Variants in FLT3 observed in about 807,000 individuals in gnomAD.
The protein encoded by FLT3 is receptor-type tyrosine-protein kinase FLT3.
A neutral mutation model predicts 126.6 loss-of-function variants in FLT3; 46 were observed. That is an observed-to-expected ratio of 0.36 (90% CI 0.29 to 0.46). FLT3 has a LOEUF of 0.46. FLT3 is among the 20% of genes least tolerant of loss of function. The probability of loss-of-function intolerance (pLI) is 1.00; values close to 1 mark genes in which losing one functional copy is unlikely to be tolerated. For synonymous variants in FLT3, 404 were observed against 434.4 expected (o/e 0.93, Z 0.87); for missense variants, 1,069 against 1,190.3 (o/e 0.90, Z 1.50).
chr13:28,056,643 GTCAGAACATCTGGACC>G (rs983528108), intron 4 of FLT3, among the ~76,000 whole-genome samples: 4 of 152,214 alleles, frequency 2.6e-5, no homozygotes, highest in African/African-American at 9.7e-5. Flanking sequence ...GCCTCCCTTG[GTCAGAACATCTGGACC>G]GTTCCTTACA....
intron 17 of FLT3, among the ~76,000 whole-genome samples, chr13:28,025,712 C>CCT (rs1253757608): frequency 2.0e-5 from 3 of 152,158 alleles, no homozygotes; most frequent in Non-Finnish European, 4.4e-5. Flanking sequence ...TAGGATAGCC[C>CCT]CTCTGTTCCA....
chr13:28,085,343 C>CAA (rs59478584), intron 1 of FLT3, among the ~76,000 whole-genome samples: 5 of 82,282 alleles, frequency 6.1e-5, no homozygotes, highest in African/African-American at 1.9e-4. Flanking sequence ...GACTCCATCT[C>CAA]AAAAAAAAAA....
intron 8 of FLT3, among the ~76,000 whole-genome samples, chr13:28,048,920 G>T (rs1875154095): frequency 1.3e-5 from 2 of 152,164 alleles, no homozygotes. Context: ...TTGAACTGTG[G>T]TTATTTTCAG....
intron 1 of FLT3, among the ~76,000 whole-genome samples, chr13:28,092,027 G>A (rs566852052): frequency 2.0e-5 from 3 of 152,124 alleles, no homozygotes; most frequent in Non-Finnish European, 2.9e-5. Flanking sequence ...CCAAGATCGC[G>A]CCATTGCACT....
At chr13:28,031,446 G>A (rs1566068962) in intron 15 of FLT3, among the ~76,000 whole-genome samples, 1 of 152,064 alleles carries the variant, frequency 6.6e-6, no homozygotes, top group Non-Finnish European at 1.5e-5. Flanking sequence ...AGAAAGGAGA[G>A]AGCACAGCAC....
intron 23 of FLT3, among the ~76,000 whole-genome samples, chr13:28,010,506 A>G (rs970520278): frequency 2.7e-4 from 41 of 152,224 alleles, no homozygotes; most frequent in Non-Finnish European, 4.8e-4. Context: ...AGATTGAAGC[A>G]TGTTTGTCCA....
chr13:28,026,103 C>A (rs1252958156), intron 17 of FLT3, among the ~76,000 whole-genome samples: 2 of 152,126 alleles, frequency 1.3e-5, no homozygotes, highest in Non-Finnish European at 2.9e-5. Context: ...ATAATTCCAG[C>A]ACTTTGCGGG....
intron 20 of FLT3, among the ~76,000 whole-genome samples, chr13:28,017,337 TTCAGCCTCCCAAG>T (rs1371410173): frequency 6.6e-6 from 1 of 150,934 alleles, no homozygotes; most frequent in Non-Finnish European, 1.5e-5. Flanking sequence ...ATCCTCCCAC[TTCAGCCTCCCAAG>T]TAGCTGAGAC....
intron 3 of FLT3, among the ~76,000 whole-genome samples, chr13:28,057,973 AG>A (rs918401538): frequency 3.3e-5 from 5 of 151,784 alleles, no homozygotes; most frequent in Non-Finnish European, 7.4e-5. Flanking sequence ...CAGGAGGTAA[AG>A]GCTGCAGCAA....
intron 19 of FLT3, among the ~76,000 whole-genome samples, chr13:28,021,451 G>A (rs555913544): frequency 6.6e-6 from 1 of 152,266 alleles, no homozygotes; most frequent in East Asian, 1.9e-4. Context: ...AATAGAGAAA[G>A]ACTCAGGTGG....
rs185625299 is a variant in FLT3, at chr13:28,082,622, G to A, written c.44-12010C>T. On this transcript the variant is annotated intron_variant, in intron 1 of 23. Coordinates refer to ENST00000241453, the MANE Select transcript of FLT3 (RefSeq NM_004119.3). ...GGGATCCTCCAACCTTGGAAGGGAC[G>A]CTTCCAAGTAGCTGGGACTACAGTC... Among the ~76,000 whole-genome samples, 116 of 151,908 alleles carry A rather than the reference G, an allele frequency of 7.6e-4. 1 individual carries two copies. Among genetic ancestry groups the A allele is most frequent in the Admixed American group, 7.1e-3 (109 of 15,252 alleles).
chr13:28,026,868 A>T (rs1872853845), intron 17 of FLT3, among the ~76,000 whole-genome samples: 1 of 152,234 alleles, frequency 6.6e-6, no homozygotes, highest in African/African-American at 2.4e-5. Context: ...GCATGGGTGG[A>T]GAGAGACTAG....
intron 20 of FLT3, among the ~76,000 whole-genome samples, chr13:28,016,650 C>T (rs971118309): frequency 1.2e-4 from 19 of 152,114 alleles, no homozygotes; most frequent in Admixed American, 1.2e-3. Flanking sequence ...CCAAGTAAAC[C>T]CTCTTTTAAA....
chr13:28,047,500 C>T (rs916575876), intron 9 of FLT3, among the ~76,000 whole-genome samples: 4 of 151,996 alleles, frequency 2.6e-5, no homozygotes, highest in Non-Finnish European at 5.9e-5. Flanking sequence ...CTCCTGAGCT[C>T]AAGAGTCCGA....
intron 1 of FLT3, among the ~76,000 whole-genome samples, chr13:28,097,439 G>A (rs1286674238): frequency 6.6e-6 from 1 of 152,016 alleles, no homozygotes; most frequent in East Asian, 1.9e-4. Context: ...TAAACAACAG[G>A]AGAATCCAAT....
chr13:28,043,225 G>A (rs1874541900), intron 9 of FLT3, among the ~76,000 whole-genome samples: 1 of 151,856 alleles, frequency 6.6e-6, no homozygotes, highest in Non-Finnish European at 1.5e-5. Flanking sequence ...AAAAAGCTAA[G>A]GTAGATTTGG....
At chr13:28,015,796 A>G (rs961836227) in intron 20 of FLT3, 95 bp from the exon 21 acceptor site, 1 of 750,888 alleles carries the variant, frequency 1.3e-6, no homozygotes, top group Non-Finnish European at 2.3e-6. Flanking sequence ...TCATCTTCCT[A>G]AGACCACTCT....
chr13:28,096,806 C>T (rs1444115324), intron 1 of FLT3, among the ~76,000 whole-genome samples: 2 of 152,072 alleles, frequency 1.3e-5, no homozygotes, highest in Non-Finnish European at 2.9e-5. Flanking sequence ...AGAAAGCATA[C>T]TGAAATACTT....
intron 23 of FLT3, among the ~76,000 whole-genome samples, chr13:28,012,538 C>T (rs912371213): frequency 6.6e-6 from 1 of 152,134 alleles, no homozygotes; most frequent in African/African-American, 2.4e-5. Context: ...GAATATCCTA[C>T]TCACCCTCTA....
Sources: gnomAD v4.1 joint callset for allele counts (sites outside exome capture counted in the v4.1 genomes callset) on GRCh38, gnomAD v4.1.1 for gene constraint, MANE v1.5 for transcripts, NCBI Gene and HGNC (gene_info 2026-07-23, HGNC 2026-07-21) for gene names.